The following CTNND2 variants were observed in gnomAD, a reference collection of about 807,000 sequenced individuals.
CTNND2 encodes the protein catenin delta-2.
In CTNND2, 22 loss-of-function variants were observed where a neutral mutation model predicts 144.4. The observed-to-expected ratio is 0.15, with a 90% CI of 0.11 to 0.22. The LOEUF is 0.22. Ranked by LOEUF, CTNND2 falls within the 10% of genes least tolerant of loss-of-function variation. The pLI is 1.00. For synonymous variants in CTNND2, 751 were observed against 695.6 expected (o/e 1.08, Z -1.25); for missense variants, 1,353 against 1,618.8 (o/e 0.84, Z 2.82).
intron 2 of CTNND2, among the ~76,000 whole-genome samples, chr5:11,658,258 G>A (rs1335443394): frequency 6.6e-6 from 1 of 151,902 alleles, no homozygotes; most frequent in Non-Finnish European, 1.5e-5. Context: ...GTGTGTTCCT[G>A]TTGACTCATG....
chr5:11,474,857 TG>T (rs1252969379), intron 3 of CTNND2, among the ~76,000 whole-genome samples: 3 of 152,142 alleles, frequency 2.0e-5, no homozygotes, highest in Non-Finnish European at 4.4e-5. Flanking sequence ...TTACCTTCCA[TG>T]GTACCCTTGA....
chr5:11,596,506 G>T (rs753077555), intron 2 of CTNND2, among the ~76,000 whole-genome samples: 21 of 152,192 alleles, frequency 1.4e-4, no homozygotes, highest in Non-Finnish European at 1.5e-5. Context: ...ACTAGCCAAA[G>T]AGACTACTTT....
At chr5:11,442,190 T>C (rs1038350456) in intron 3 of CTNND2, among the ~76,000 whole-genome samples, 30 of 152,334 alleles carry the variant, frequency 2.0e-4, no homozygotes, top group African/African-American at 7.0e-4. Context: ...TGTTAACATA[T>C]ATTTATTTTG....
chr5:11,297,491 T>A (rs1262835928), intron 9 of CTNND2, among the ~76,000 whole-genome samples: 1 of 152,218 alleles, frequency 6.6e-6, no homozygotes, highest in Non-Finnish European at 1.5e-5. Flanking sequence ...ATGTTATTCT[T>A]CTTATATTGG....
rs115323211 is a variant in CTNND2, at chr5:11,821,244, T to C, written c.37+82573A>G. The stretch of plus-strand genomic sequence containing the variant: ...GTAAATTTTTATTTTAAAAGAAACA[T>C]AGGGAAATACTGAGATCTAGCTGAT... On this transcript the variant is annotated intron_variant, in intron 1 of 21. Coordinates refer to ENST00000304623, the MANE Select transcript of CTNND2 (RefSeq NM_001332.4). 7.6e-3 allele frequency among the ~76,000 whole-genome samples: 1,161 copies of C among 152,282 alleles called. 22 individuals are homozygous for C. The highest frequency in any genetic ancestry group is 0.026 in the African/African-American group (1,092 of 41,580).
At position 11,512,595 on chromosome 5, in the gene CTNND2, C is replaced by T. The variant is rs16901701; in HGVS notation, c.287+52349G>A. 6.5e-3 allele frequency among the ~76,000 whole-genome samples: 991 copies of T among 152,322 alleles called. 8 individuals carry two copies. Among genetic ancestry groups the T allele is most frequent in the African/African-American group, 0.022 (933 of 41,562 alleles). ...TCTATATCTGACACACTCTATTCAT[C>T]CTTCAAGCTTCAATTTTCCCAATGT... On this transcript the variant is annotated intron_variant, in intron 3 of 21. Transcript: ENST00000304623.
At chr5:11,801,351 A>G (rs896437604) in intron 1 of CTNND2, among the ~76,000 whole-genome samples, 1 of 152,212 alleles carries the variant, frequency 6.6e-6, no homozygotes, top group Non-Finnish European at 1.5e-5. Context: ...CCGACTGATG[A>G]TACAGTTGCT....
At position 10,973,689 on chromosome 5, in the gene CTNND2, C is replaced by T. The variant is rs1194113851; in HGVS notation, c.3442G>A (p.Glu1148Lys). The T allele has an allele frequency of 6.2e-7, 1 of 1,609,388 alleles. No homozygotes were observed. The highest frequency in any genetic ancestry group is 8.5e-7 in the Non-Finnish European group (1 of 1,177,560). ...GTCTCGTAATCTTTTCTGCTGGGCTCCTGTGGGACTGGCTGTGCTGAAACC... is the reference window on the plus strand; with the variant it reads ...GTCTCGTAATCTTTTCTGCTGGGCTTCTGTGGGACTGGCTGTGCTGAAACC... ...NQVSAQPVPQ[E>K]PSRKDYETYQ... Residue 1148 changes from glutamate (E) to lysine (K), a missense_variant, in exon 22 of 22, where the codon GAG becomes AAG. By Grantham distance (56) the Glu-to-Lys change is moderately conservative. Transcript: ENST00000304623. This position sits in a 1 kb window ranked among gnomAD's most constrained non-coding sequence, Gnocchi z 5.6.
chr5:11,623,905 C>T (rs1335637269), intron 2 of CTNND2, among the ~76,000 whole-genome samples: 2 of 142,086 alleles, frequency 1.4e-5, no homozygotes, highest in African/African-American at 5.2e-5. Flanking sequence ...TAGAGGCCTA[C>T]AAAGAAACTT....
chr5:11,131,546 G>C (rs13359443), intron 12 of CTNND2, among the ~76,000 whole-genome samples: 3,141 of 152,316 alleles, frequency 0.021, 104 homozygotes, highest in African/African-American at 0.072. Flanking sequence ...CCAGCACTTT[G>C]GGAGGCCAAG....
At chr5:11,548,796 T>C (rs1775494451) in intron 3 of CTNND2, among the ~76,000 whole-genome samples, 1 of 152,258 alleles carries the variant, frequency 6.6e-6, no homozygotes. Flanking sequence ...TAGTTGTCAA[T>C]ATTTCTTTAA....
chr5:11,616,553 C>A (rs1385266640), intron 2 of CTNND2, among the ~76,000 whole-genome samples: 1 of 151,338 alleles, frequency 6.6e-6, no homozygotes, highest in East Asian at 1.9e-4. Context: ...CTTCCTTTCT[C>A]CCTCCCTCCC....
intron 2 of CTNND2, among the ~76,000 whole-genome samples, chr5:11,601,441 G>A (rs553162018): frequency 1.1e-4 from 16 of 151,910 alleles, no homozygotes; most frequent in African/African-American, 3.9e-4. Flanking sequence ...TAAATAATTG[G>A]AACAGATTTA....
chr5:10,980,544 G>T (rs1001271685), intron 21 of CTNND2, among the ~76,000 whole-genome samples: 1 of 152,284 alleles, frequency 6.6e-6, no homozygotes, highest in East Asian at 1.9e-4. Context: ...TCCCATTACT[G>T]GGTATATACC....
intron 3 of CTNND2, among the ~76,000 whole-genome samples, chr5:11,507,533 T>G (rs1468866950): frequency 6.6e-6 from 1 of 152,062 alleles, no homozygotes; most frequent in African/African-American, 2.4e-5. Context: ...CTAGGTGTGG[T>G]GATGAAGCAC....
chr5:11,821,836 G>C (rs1302838415), intron 1 of CTNND2, among the ~76,000 whole-genome samples: 3 of 152,088 alleles, frequency 2.0e-5, no homozygotes, highest in African/African-American at 7.2e-5. Flanking sequence ...TCATTTACTA[G>C]TGTTATTATT....
intron 16 of CTNND2, among the ~76,000 whole-genome samples, chr5:11,061,457 G>A (rs950784613): frequency 3.9e-5 from 6 of 152,254 alleles, no homozygotes; most frequent in African/African-American, 1.2e-4. Context: ...TCCCTGCCTC[G>A]TTTTCCAGCT....
At chr5:11,208,355 A>C (rs534386244) in intron 10 of CTNND2, among the ~76,000 whole-genome samples, 1 of 152,316 alleles carries the variant, frequency 6.6e-6, no homozygotes, top group East Asian at 1.9e-4. Flanking sequence ...GTGACACTAA[A>C]GTTCATCTGG....
At chr5:11,517,594 A>C (rs1772289116) in intron 3 of CTNND2, among the ~76,000 whole-genome samples, 1 of 151,930 alleles carries the variant, frequency 6.6e-6, no homozygotes. Context: ...CTTATTTCTT[A>C]AGAACATCAC....
Sources: allele counts gnomAD v4.1 joint callset (sites outside exome capture counted in the v4.1 genomes callset), GRCh38; gene constraint gnomAD v4.1.1; non-coding constraint Gnocchi (gnomAD v3.1); transcripts MANE v1.5; gene names NCBI Gene and HGNC (gene_info 2026-07-23, HGNC 2026-07-21).